NEK1: variants seen among roughly 807,000 people sequenced by gnomAD.
The protein encoded by NEK1 is serine/threonine-protein kinase Nek1.
NEK1 carries 137 observed loss-of-function variants against 182.1 expected under a neutral mutation model. The ratio of observed to expected loss-of-function variants is 0.75; its 90% confidence interval spans 0.65 to 0.87. The LOEUF (loss-of-function observed/expected upper bound fraction) is 0.87, where lower values mean the gene tolerates loss of function less well. Among genes scored for constraint, NEK1 ranks in the 40% least tolerant of loss-of-function variants. The probability of loss-of-function intolerance (pLI) is 0.00; values close to 1 mark genes in which losing one functional copy is unlikely to be tolerated. For missense variants in NEK1, 1,391 were observed against 1,494.4 expected, an observed-to-expected ratio of 0.93 and a Z score of 1.14; for synonymous variants, 513 against 492.2, an observed-to-expected ratio of 1.04 and a Z score of -0.56.
chr4:169,423,333 G>A (rs1218130983), intron 31 of NEK1, among the ~76,000 whole-genome samples: 1 of 152,088 alleles, frequency 6.6e-6, no homozygotes, highest in African/African-American at 2.4e-5. Flanking sequence ...GAGCTCCTGA[G>A]CTCAAATGAT....
chr4:169,400,187 T>A (rs755807806), intron 35 of NEK1, 38 bp downstream of exon 35: 4 of 1,552,316 alleles, frequency 2.6e-6, no homozygotes, highest in Non-Finnish European at 8.7e-7. Flanking sequence ...TTTTCTCACA[T>A]TTACTGAAAA....
chr4:169,475,628 G>C (rs1241794038), intron 26 of NEK1, among the ~76,000 whole-genome samples: 3 of 152,044 alleles, frequency 2.0e-5, no homozygotes, highest in Non-Finnish European at 4.4e-5. Context: ...AGGAGAAAAG[G>C]CAATCAATAA....
At chr4:169,524,519 G>A (rs1462338622) in intron 19 of NEK1, among the ~76,000 whole-genome samples, 1 of 147,354 alleles carries the variant, frequency 6.8e-6, no homozygotes. Flanking sequence ...TCTATATACA[G>A]TAAAATTTTT....
At chr4:169,533,931 T>A (rs1362098851) in intron 19 of NEK1, among the ~76,000 whole-genome samples, 1 of 152,006 alleles carries the variant, frequency 6.6e-6, no homozygotes, top group African/African-American at 2.4e-5. Flanking sequence ...ACAAAACAAC[T>A]GAGAAATATT....
In NEK1 at chr4:169,433,624, C is replaced by G; in HGVS notation, c.2806G>C (p.Gly936Arg). 1 of 1,613,346 alleles carries G rather than the reference C, an allele frequency of 6.2e-7. No individual in the cohort carries two copies. Among genetic ancestry groups the G allele is most frequent in the Non-Finnish European group, 8.5e-7 (1 of 1,179,538 alleles). ...LETEILQEPS[G>R]TNKDESLPCT... ...GGCAAGCTCTCATCTTTGTTTGTTC[C>G]ACTTGGCTCTTGTAGAATTTCTGTT... Residue 936 changes from glycine (G) to arginine (R), a missense_variant, in exon 29 of 36, where the codon GGA becomes CGA. Transcript: ENST00000507142.
intron 5 of NEK1, among the ~76,000 whole-genome samples, chr4:169,596,307 T>C (rs1489639276): frequency 2.0e-5 from 3 of 152,190 alleles, no homozygotes. Context: ...CTCAAGTTCT[T>C]TGTTTAATTA....
At chr4:169,555,888 C>T in intron 17 of NEK1, 37 bp from the exon 18 acceptor site, 1 of 1,613,512 alleles carries the variant, frequency 6.2e-7, no homozygotes, top group African/African-American at 1.3e-5. Flanking sequence ...TCATTACTAT[C>T]TCAGAAGCAA....
chr4:169,563,170 G>C (rs1021153323), intron 12 of NEK1, among the ~76,000 whole-genome samples: 2 of 151,942 alleles, frequency 1.3e-5, no homozygotes, highest in Non-Finnish European at 2.9e-5. Flanking sequence ...GACCAGCCTG[G>C]ATAACATAGT....
intron 33 of NEK1, among the ~76,000 whole-genome samples, chr4:169,400,976 C>G (rs912713750): frequency 6.6e-6 from 1 of 151,224 alleles, no homozygotes; most frequent in East Asian, 1.9e-4. Flanking sequence ...AGCAGCTAAC[C>G]CTAACTAGTA....
intron 27 of NEK1, among the ~76,000 whole-genome samples, chr4:169,444,115 T>A (rs1367462235): frequency 6.6e-6 from 1 of 152,004 alleles, no homozygotes; most frequent in African/African-American, 2.4e-5. Flanking sequence ...GTATAAAACC[T>A]GACAGAGCAC....
intron 2 of NEK1, among the ~76,000 whole-genome samples, chr4:169,603,705 C>T (rs1195905932): frequency 8.1e-6 from 1 of 123,656 alleles, no homozygotes; most frequent in East Asian, 2.3e-4. Flanking sequence ...ATTTATTGAA[C>T]ATTTTTTTTT....
intron 31 of NEK1, among the ~76,000 whole-genome samples, chr4:169,420,061 T>C (rs1298305141): frequency 2.0e-5 from 3 of 152,150 alleles, no homozygotes; most frequent in Non-Finnish European, 2.9e-5. Flanking sequence ...ACTAAATGTA[T>C]TTAAAAATTT....
At chr4:169,550,744 T>C (rs1289323213) in intron 18 of NEK1, among the ~76,000 whole-genome samples, 2 of 152,190 alleles carry the variant, frequency 1.3e-5, no homozygotes, top group African/African-American at 2.4e-5. Context: ...TCATGGCCAA[T>C]AGTGGCATAA....
intron 27 of NEK1, among the ~76,000 whole-genome samples, chr4:169,440,664 G>A (rs2149433652): frequency 6.6e-6 from 1 of 152,312 alleles, no homozygotes; most frequent in South Asian, 2.1e-4. Flanking sequence ...GCTAGGACTG[G>A]CTAGAAGCCA....
At chr4:169,399,446 G>A (rs745558839) in intron 35 of NEK1, among the ~76,000 whole-genome samples, 11 of 150,938 alleles carry the variant, frequency 7.3e-5, no homozygotes, top group East Asian at 4.0e-4. Context: ...GTGTGGTGGC[G>A]CACGCCTATA....
chr4:169,544,391 G>T (rs995986090), intron 18 of NEK1, among the ~76,000 whole-genome samples: 1 of 152,004 alleles, frequency 6.6e-6, no homozygotes, highest in Non-Finnish European at 1.5e-5. Context: ...GAGGATTTTC[G>T]CAACAATGTT....
chr4:169,461,786 T>C (rs7695859), intron 27 of NEK1, among the ~76,000 whole-genome samples: 2 of 152,158 alleles, frequency 1.3e-5, no homozygotes, highest in African/African-American at 4.8e-5. Flanking sequence ...ATTCTTGTCC[T>C]TTTCACGCAA....
At chr4:169,432,589 T>C (rs1033118858) in intron 29 of NEK1, among the ~76,000 whole-genome samples, 2 of 152,132 alleles carry the variant, frequency 1.3e-5, no homozygotes, top group Non-Finnish European at 1.5e-5. Context: ...AGATTTATTA[T>C]TGACCAAAAA....
intron 27 of NEK1, among the ~76,000 whole-genome samples, chr4:169,445,865 T>TATATATACACACACAC (rs569539235): frequency 6.3e-5 from 9 of 143,218 alleles, no homozygotes; most frequent in Admixed American, 2.1e-4. Context: ...TATATATATA[T>TATATATACACACACAC]ACACACACAC....
Sources: allele counts gnomAD v4.1 joint callset (sites outside exome capture counted in the v4.1 genomes callset), GRCh38; gene constraint gnomAD v4.1.1; transcripts MANE v1.5; gene names NCBI Gene and HGNC (gene_info 2026-07-23, HGNC 2026-07-21).